The following CNPY1 variants were observed in gnomAD, a reference collection of about 807,000 sequenced individuals.
CNPY1 encodes the protein protein canopy homolog 1.
A neutral mutation model predicts 14.4 loss-of-function variants in CNPY1; 14 were observed. The ratio of observed to expected loss-of-function variants is 0.97; its 90% CI spans 0.64 to 1.52. The LOEUF is 1.52. Ranked by LOEUF, CNPY1 falls within the 40% of genes most tolerant of loss-of-function variation. The probability of loss-of-function intolerance (pLI) is 0.00; values close to 1 mark genes in which losing one functional copy is unlikely to be tolerated. For missense variants in CNPY1, 129 were observed against 131.5 expected, an observed-to-expected ratio of 0.98 and a Z score of 0.09; for synonymous variants, 43 against 46.5, an observed-to-expected ratio of 0.92 and a Z score of 0.31.
rs1435990715 is a variant in CNPY1 at position 155,501,305 on chromosome 7, G to A, written c.*1763C>T. ...AGTGACAGGAGGTGCACCTCCCCAC[G>A]TCCGTTTAGTTACAAACAGGAGCCC... On this transcript the variant is annotated 3_prime_UTR_variant, in exon 5 of 5. Transcript: ENST00000636446. 3 of 152,196 alleles carry A rather than the reference G, an allele frequency of 2.0e-5. No homozygotes were observed. Among genetic ancestry groups the A allele is most frequent in the East Asian group, 1.9e-4 (1 of 5,190 alleles). The allele number at this position is 152,196 out of a possible 1,614,324, so 9.4% of individuals were successfully genotyped here.
chr7:155,512,596 A>G (rs1796550038), intron 2 of CNPY1, among the ~76,000 whole-genome samples: 1 of 152,216 alleles, frequency 6.6e-6, no homozygotes, highest in East Asian at 1.9e-4. Flanking sequence ...ATAACACTTT[A>G]ATAACGGCCA....
chr7:155,530,147 C>G (rs992791976), intron 2 of CNPY1, among the ~76,000 whole-genome samples: 1 of 152,120 alleles, frequency 6.6e-6, no homozygotes, highest in Non-Finnish European at 1.5e-5. Flanking sequence ...CACTGCTTCA[C>G]CGGATTTGGG....
intron 2 of CNPY1, among the ~76,000 whole-genome samples, chr7:155,532,398 G>A (rs566333050): frequency 2.0e-5 from 3 of 151,650 alleles, no homozygotes; most frequent in South Asian, 2.1e-4. Context: ...CGAGGCGGGC[G>A]GATCACAAGG....
intron 2 of CNPY1, among the ~76,000 whole-genome samples, chr7:155,512,426 C>G (rs1796547351): frequency 2.0e-5 from 3 of 152,176 alleles, no homozygotes; most frequent in Admixed American, 1.3e-4. Flanking sequence ...TATTTCTCCC[C>G]CTTTACGTTT....
chr7:155,507,154 A>G, intron 3 of CNPY1, 38 bp from the exon 4 acceptor site: 1 of 1,298,580 alleles, frequency 7.7e-7, no homozygotes, highest in Non-Finnish European at 1.1e-6. Context: ...GGATAGACGC[A>G]CACTGGCGGG....
intron 2 of CNPY1, among the ~76,000 whole-genome samples, chr7:155,544,209 G>A (rs905039671): frequency 4.6e-5 from 7 of 152,262 alleles, no homozygotes; most frequent in African/African-American, 1.4e-4. Context: ...TGGGAGCTGC[G>A]GCCACTTGGC....
intron 2 of CNPY1, among the ~76,000 whole-genome samples, chr7:155,529,060 C>A (rs200590965): frequency 2.1e-5 from 3 of 145,220 alleles, no homozygotes; most frequent in African/African-American, 2.5e-5. Flanking sequence ...GACTCCATAT[C>A]AAAAAAAAAA....
At chr7:155,529,052 C>A (rs1236978368) in intron 2 of CNPY1, among the ~76,000 whole-genome samples, 1 of 109,824 alleles carries the variant, frequency 9.1e-6, no homozygotes, top group African/African-American at 3.5e-5. Context: ...CAGAGCGAGA[C>A]TCCATATCAA....
At chr7:155,506,900 T>A in intron 4 of CNPY1, 120 bp downstream of exon 4, 61 of 613,834 alleles carry the variant, frequency 9.9e-5, no homozygotes, top group Middle Eastern at 3.4e-4. Context: ...CGGGGGATCC[T>A]GTGTCAGAGC....
chr7:155,519,218 G>T (rs997512182), intron 2 of CNPY1, among the ~76,000 whole-genome samples: 11 of 152,260 alleles, frequency 7.2e-5, no homozygotes, highest in African/African-American at 2.6e-4. Flanking sequence ...TACCATCTTT[G>T]CCAGACTGGA....
In CNPY1 at chr7:155,515,309, G is replaced by GAA. The variant is rs1491055738; in HGVS notation, c.100-6213_100-6212insTT. Among the ~76,000 whole-genome samples the GAA allele has an allele frequency of 9.4e-3, 945 of 101,028 alleles. 8 individuals carry two copies. Among genetic ancestry groups the GAA allele is most frequent in the African/African-American group, 0.017 (384 of 22,576 alleles). The allele number at this position is 101,028 out of a possible 152,430, so 66.3% of individuals were successfully genotyped here. On this transcript the variant is annotated intron_variant, in intron 2 of 4. Transcript: ENST00000636446. The stretch of plus-strand genomic sequence containing the variant: ...TCTCAAGGCCGCCCCCCCCCCCCCC[G>GAA]GCCCCGGCCAGGAACTCTTTCACAT...
chr7:155,544,563 C>T (rs1797136838), intron 2 of CNPY1, among the ~76,000 whole-genome samples: 1 of 152,236 alleles, frequency 6.6e-6, no homozygotes, highest in South Asian at 2.1e-4. Flanking sequence ...ACAATGCACA[C>T]ACAGACAGGC....
chr7:155,516,313 T>C (rs1053567889), intron 2 of CNPY1, among the ~76,000 whole-genome samples: 1 of 152,186 alleles, frequency 6.6e-6, no homozygotes, highest in Non-Finnish European at 1.5e-5. Flanking sequence ...AGTTATGTTG[T>C]TTCAGTAACA....
intron 4 of CNPY1, among the ~76,000 whole-genome samples, chr7:155,503,765 T>C (rs1350312670): frequency 6.6e-6 from 1 of 152,228 alleles, no homozygotes; most frequent in East Asian, 1.9e-4. Flanking sequence ...TCATCAGTGA[T>C]GATGCTTTTA....
intron 2 of CNPY1, among the ~76,000 whole-genome samples, chr7:155,540,395 C>G (rs1451819411): frequency 6.6e-6 from 1 of 152,216 alleles, no homozygotes; most frequent in Non-Finnish European, 1.5e-5. Context: ...TAAATTAATA[C>G]TAATTTGTCA....
chr7:155,507,305 C>T (rs564525862), intron 3 of CNPY1, among the ~76,000 whole-genome samples, 189 bp from the exon 4 acceptor site: 250 of 151,848 alleles, frequency 1.6e-3, no homozygotes, highest in Non-Finnish European at 2.9e-3. Context: ...ATGTTAATTG[C>T]ATCATTTTCC....
At chr7:155,540,255 G>GA (rs1797068590) in intron 2 of CNPY1, among the ~76,000 whole-genome samples, 1 of 152,198 alleles carries the variant, frequency 6.6e-6, no homozygotes, top group Non-Finnish European at 1.5e-5. Context: ...AGACAGCTTC[G>GA]AAGGACTTCC....
At chr7:155,539,939 G>A (rs1404768805) in intron 2 of CNPY1, among the ~76,000 whole-genome samples, 1 of 152,142 alleles carries the variant, frequency 6.6e-6, no homozygotes, top group Non-Finnish European at 1.5e-5. Flanking sequence ...GGGAAGGTGA[G>A]GGGTAGAACT....
chr7:155,506,294 C>T (rs73732791), intron 4 of CNPY1, among the ~76,000 whole-genome samples: 2,133 of 152,296 alleles, frequency 0.014, 54 homozygotes, highest in African/African-American at 0.049. Context: ...ACTGTGTACT[C>T]CATTCTTATA....
Sources: gnomAD v4.1 joint callset for allele counts (sites outside exome capture counted in the v4.1 genomes callset) on GRCh38, gnomAD v4.1.1 for gene constraint, MANE v1.5 for transcripts, NCBI Gene and HGNC (gene_info 2026-07-23, HGNC 2026-07-21) for gene names.